The following TLCD4 variants were observed in gnomAD, a reference collection of about 807,000 sequenced individuals.
TLCD4 encodes TLC domain containing 4, also known as TLC domain-containing protein 4.
In TLCD4, 7 loss-of-function variants were observed where a neutral mutation model predicts 24.2. The ratio of observed to expected loss-of-function variants is 0.29; its 90% confidence interval spans 0.16 to 0.54. The LOEUF is 0.54. Ranked by LOEUF, TLCD4 falls within the 20% of genes least tolerant of loss-of-function variation. TLCD4 has a pLI of 0.95. For missense variants in TLCD4, 259 were observed against 313.9 expected, an observed-to-expected ratio of 0.82 and a Z score of 1.32; for synonymous variants, 103 against 106.4, an observed-to-expected ratio of 0.97 and a Z score of 0.20.
chr1:95,164,962 A>G (rs1677962793), intron 5 of TLCD4: 1 of 151,984 alleles, frequency 6.6e-6, no homozygotes, highest in Non-Finnish European at 1.5e-5. Flanking sequence ...GAGTAGCTTC[A>G]TATCCTCAAG....
Position 95,193,388 on chromosome 1 carries a change from A to G in TLCD4, c.*1520A>G, listed in dbSNP as rs1223101502. On this transcript the variant is annotated 3_prime_UTR_variant, in exon 7 of 7. Coordinates refer to ENST00000370203, the MANE Select transcript of TLCD4 (RefSeq NM_152487.3). ...CAAATATAGAATTATATATTTATCTATTATTGCCTTTATTCTTTAAGCACT... is the reference window on the plus strand; with the variant it reads ...CAAATATAGAATTATATATTTATCTGTTATTGCCTTTATTCTTTAAGCACT... 1.3e-5 allele frequency: 2 copies of G among 152,092 alleles called. No homozygotes were observed. The highest frequency in any genetic ancestry group is 2.9e-5 in the Non-Finnish European group (2 of 67,954). The allele number at this position is 152,092 out of a possible 1,614,324, so 9.4% of individuals were successfully genotyped here. A position where few individuals can be genotyped will look rare whatever the true frequency, so the allele number is the denominator to read the frequency against.
At chr1:95,151,967 A>C (rs913223160) in intron 5 of TLCD4, among the ~76,000 whole-genome samples, 2 of 152,112 alleles carry the variant, frequency 1.3e-5, no homozygotes, top group Non-Finnish European at 2.9e-5. Context: ...ACATATGTAA[A>C]CTAGCAACTT....
At chr1:95,150,624 TC>T (rs1677469580) in intron 4 of TLCD4, among the ~76,000 whole-genome samples, 1 of 152,170 alleles carries the variant, frequency 6.6e-6, no homozygotes, top group African/African-American at 2.4e-5. Flanking sequence ...TGAAATGTGT[TC>T]CAGTAGTCAT....
At chr1:95,131,430 C>A (rs747973936) in intron 1 of TLCD4, among the ~76,000 whole-genome samples, 5 of 152,126 alleles carry the variant, frequency 3.3e-5, no homozygotes, top group Non-Finnish European at 7.3e-5. Context: ...TAAGTGAGGG[C>A]AGGTGCCAAC....
At chr1:95,165,415 A>C (rs977285524) in intron 5 of TLCD4, among the ~76,000 whole-genome samples, 4 of 151,612 alleles carry the variant, frequency 2.6e-5, no homozygotes, top group Admixed American at 6.6e-5. Context: ...ATTTTCAAAG[A>C]ATAATTTTGT....
rs1453731224 is a variant in TLCD4, at chr1:95,156,361, A to C, written c.399+4942A>C. On this transcript the variant is annotated intron_variant, in intron 5 of 6. Transcript: ENST00000370203. ...GGTGATACTGAGGACTTGGGGTGTC[A>C]GGGTATGGGATTTGTGTAGACATGG... Among the ~76,000 whole-genome samples, 10 of 152,238 alleles carry C rather than the reference A, an allele frequency of 6.6e-5. No homozygotes were observed. The South Asian group carries it at 1.7e-3, about 25-fold the overall frequency.
At chr1:95,133,832 C>T (rs1161200085) in intron 1 of TLCD4, among the ~76,000 whole-genome samples, 1 of 151,912 alleles carries the variant, frequency 6.6e-6, no homozygotes, top group Non-Finnish European at 1.5e-5. Context: ...TCTGATTGTT[C>T]TGGACTCATT....
chr1:95,182,404 C>G (rs1438309234), intron 6 of TLCD4, among the ~76,000 whole-genome samples: 1 of 151,862 alleles, frequency 6.6e-6, no homozygotes, highest in African/African-American at 2.4e-5. Context: ...ATGTGTACTT[C>G]CCATTTTATC....
At chr1:95,104,162 T>C in the TLCD4 span, among the ~76,000 whole-genome samples, 2,453 of 152,256 alleles carry the variant, frequency 0.016, 79 homozygotes, top group African/African-American at 0.056. Flanking sequence ...CTCTAGAATG[T>C]AGATTATCAG....
At chr1:95,162,718 A>G (rs888727529) in intron 5 of TLCD4, among the ~76,000 whole-genome samples, 3 of 152,070 alleles carry the variant, frequency 2.0e-5, no homozygotes, top group African/African-American at 7.2e-5. Context: ...ATGTCTCAGC[A>G]TTTGCTTGTC....
At chr1:95,120,317 A>G (rs139150897) in intron 1 of TLCD4, 2 of 152,318 alleles carry the variant, frequency 1.3e-5, no homozygotes, top group East Asian at 1.9e-4. Flanking sequence ...AAGTCTAGGT[A>G]TTTCCAGAGT....
upstream of TLCD4, among the ~76,000 whole-genome samples, chr1:95,115,299 G>T (rs1454814098): frequency 6.6e-6 from 1 of 151,914 alleles, no homozygotes; most frequent in Non-Finnish European, 1.5e-5. Flanking sequence ...GTAGAGACAG[G>T]GTTTCTCCAT....
At chr1:95,132,915 T>TA (rs1676934546) in intron 1 of TLCD4, among the ~76,000 whole-genome samples, 1 of 152,090 alleles carries the variant, frequency 6.6e-6, no homozygotes, top group Non-Finnish European at 1.5e-5. Context: ...AAGCTGCACA[T>TA]AGCAGTCATT....
chr1:95,104,988 C>T, the TLCD4 span, among the ~76,000 whole-genome samples: 1 of 152,130 alleles, frequency 6.6e-6, no homozygotes, highest in Admixed American at 6.5e-5. Flanking sequence ...CACCACTGCA[C>T]TCCAGCCTGG....
chr1:95,170,608 T>C (rs1486261538), intron 5 of TLCD4, among the ~76,000 whole-genome samples: 1 of 152,150 alleles, frequency 6.6e-6, no homozygotes, highest in Admixed American at 6.5e-5. Context: ...GGATTACAGG[T>C]GTGAGCCACT....
chr1:95,153,791 G>T (rs568866328), intron 5 of TLCD4, among the ~76,000 whole-genome samples: 60 of 152,120 alleles, frequency 3.9e-4, no homozygotes, highest in Non-Finnish European at 7.6e-4. Flanking sequence ...GGAGATGTCA[G>T]CCTAGAAAAG....
chr1:95,191,739 T>C lies in TLCD4; in HGVS notation c.663T>C (p.Ile221=). The C allele has an allele frequency of 6.2e-7, 1 of 1,614,102 alleles. No homozygotes were observed. The highest frequency in any genetic ancestry group is 8.5e-7 in the Non-Finnish European group (1 of 1,180,006). The change falls in exon 7 of 7, where the codon ATT becomes ATC. Residue 221 remains isoleucine (I), a synonymous_variant. Transcript: ENST00000370203. Reference sequence around the variant, plus strand: ...TTTTAATCCAGTTATCCTGGGTCATTAGTTGTGTTGTTTTGGATGTGATGA... The same window carrying C: ...TTTTAATCCAGTTATCCTGGGTCATCAGTTGTGTTGTTTTGGATGTGATGA... ...LGVLIQLSWV[I]SCVVLDVMNV...
chr1:95,164,355 C>T (rs2100972291), intron 5 of TLCD4: 1 of 152,366 alleles, frequency 6.6e-6, no homozygotes, highest in South Asian at 2.1e-4. Flanking sequence ...TGGAAAAGCG[C>T]AATATTAGGG....
the TLCD4 span, among the ~76,000 whole-genome samples, chr1:95,111,342 A>T: frequency 3.1e-4 from 47 of 151,754 alleles, no homozygotes; most frequent in African/African-American, 9.9e-4. Context: ...AGAAAAGAAA[A>T]GAAATGAAAG....
Sources: allele counts gnomAD v4.1 joint callset (sites outside exome capture counted in the v4.1 genomes callset), GRCh38; gene constraint gnomAD v4.1.1; transcripts MANE v1.5; gene names NCBI Gene and HGNC (gene_info 2026-07-23, HGNC 2026-07-21).